RBFOX1: variants seen among roughly 807,000 people sequenced by gnomAD.
RBFOX1 encodes RNA binding protein fox-1 homolog 1.
RBFOX1 carries 8 observed loss-of-function variants against 57.7 expected under a neutral mutation model. The ratio of observed to expected loss-of-function variants is 0.14; its 90% confidence interval spans 0.08 to 0.25. RBFOX1 has a LOEUF of 0.25. RBFOX1 is among the 10% of genes least tolerant of loss of function. The probability of loss-of-function intolerance (pLI) is 1.00; values close to 1 mark genes in which losing one functional copy is unlikely to be tolerated. For synonymous variants in RBFOX1, 326 were observed against 222.4 expected (o/e 1.47, Z -4.15); for missense variants, 611 against 548.5 (o/e 1.11, Z -1.14).
chr16:7,702,386 CA>C lies in RBFOX1; in HGVS notation c.996-6669del, dbSNP rs1197120212. ...CCAAGAAGCTGAGGGGACCTCTCTG[CA>C]GTTGCAGAATTGCCAAGAGATTTGT... On this transcript the variant is annotated intron_variant, in intron 14 of 15. Transcript: ENST00000550418. Among the ~76,000 whole-genome samples the C allele has an allele frequency of 2.6e-5, 4 of 151,930 alleles. No homozygotes were observed. In the South Asian group the frequency reaches 8.3e-4, roughly 31 times the overall value.
At chr16:7,613,647 G>T (rs183374828) in intron 10 of RBFOX1, among the ~76,000 whole-genome samples, 1 of 152,202 alleles carries the variant, frequency 6.6e-6, no homozygotes, top group Non-Finnish European at 1.5e-5. Context: ...TTGGTTTTCT[G>T]TGGGCTAGAG....
At chr16:5,785,894 T>A (rs1305636007) in intron 3 of RBFOX1, among the ~76,000 whole-genome samples, 2 of 152,108 alleles carry the variant, frequency 1.3e-5, no homozygotes, top group Non-Finnish European at 2.9e-5. Flanking sequence ...TTAGACCACA[T>A]CACCTCAGCT....
intron 4 of RBFOX1, among the ~76,000 whole-genome samples, chr16:7,291,310 C>G (rs139779632): frequency 6.6e-6 from 1 of 152,094 alleles, no homozygotes; most frequent in African/African-American, 2.4e-5. Flanking sequence ...CTCTGTGGCA[C>G]CAATGTGAGG....
intron 4 of RBFOX1, among the ~76,000 whole-genome samples, chr16:7,477,500 C>A (rs1228245147): frequency 1.3e-5 from 2 of 152,152 alleles, no homozygotes; most frequent in East Asian, 3.9e-4. Flanking sequence ...CCTCTCCCTT[C>A]TGCCCCCTGA....
chr16:6,730,923 T>G (rs1018434084), intron 3 of RBFOX1, among the ~76,000 whole-genome samples: 5 of 152,162 alleles, frequency 3.3e-5, no homozygotes, highest in Non-Finnish European at 7.3e-5. Context: ...TTTCTATCTT[T>G]GACAGGTTCC....
intron 1 of RBFOX1, among the ~76,000 whole-genome samples, chr16:5,454,582 G>T (rs1270869014): frequency 3.3e-5 from 5 of 152,174 alleles, no homozygotes; most frequent in Non-Finnish European, 5.9e-5. Context: ...GACCTCCTTT[G>T]AGCAAGAGGG....
chr16:5,793,626 G>A (rs567556665), intron 3 of RBFOX1, among the ~76,000 whole-genome samples: 139 of 152,282 alleles, frequency 9.1e-4, no homozygotes, highest in African/African-American at 3.2e-3. Context: ...CAAGAGCAGT[G>A]CTCACAAAGC....
At chr16:7,319,734 AGCAG>A (rs1220125187) in intron 4 of RBFOX1, among the ~76,000 whole-genome samples, 1 of 152,146 alleles carries the variant, frequency 6.6e-6, no homozygotes, top group Non-Finnish European at 1.5e-5. Context: ...GGTCATGTGA[AGCAG>A]GCAGAGGAAA....
chr16:6,276,225 G>A (rs972060959), intron 1 of RBFOX1, among the ~76,000 whole-genome samples: 1 of 152,198 alleles, frequency 6.6e-6, no homozygotes, highest in African/African-American at 2.4e-5. Context: ...TCAGAACTGT[G>A]GCCAGAATCA....
At chr16:7,255,262 C>A (rs2094631557) in intron 4 of RBFOX1, among the ~76,000 whole-genome samples, 1 of 152,168 alleles carries the variant, frequency 6.6e-6, no homozygotes, top group South Asian at 2.1e-4. Flanking sequence ...CAAAAATTGC[C>A]TGACCTTAAA....
At chr16:6,969,105 TG>T (rs1236218177) in intron 3 of RBFOX1, among the ~76,000 whole-genome samples, 3 of 152,074 alleles carry the variant, frequency 2.0e-5, no homozygotes, top group African/African-American at 7.2e-5. Flanking sequence ...CCTAATGCAT[TG>T]GTTAAGAGTA....
At chr16:6,020,703 G>A (rs1002846136) in intron 1 of RBFOX1, among the ~76,000 whole-genome samples, 1 of 152,126 alleles carries the variant, frequency 6.6e-6, no homozygotes, top group African/African-American at 2.4e-5. Context: ...CAGGCCAGGG[G>A]GGGGCTTGTC....
At chr16:7,497,765 G>A (rs2069171359) in intron 4 of RBFOX1, among the ~76,000 whole-genome samples, 2 of 152,170 alleles carry the variant, frequency 1.3e-5, no homozygotes, top group East Asian at 3.9e-4. Flanking sequence ...AAATTCAATG[G>A]ATAACCTTGC....
At chr16:5,653,403 CCGTGTGCTGGGT>C (rs1334827594) in intron 3 of RBFOX1, among the ~76,000 whole-genome samples, 1 of 149,654 alleles carries the variant, frequency 6.7e-6, no homozygotes. Flanking sequence ...GGGTGCTGAG[CCGTGTGCTGGGT>C]TTCTTTGAGG....
chr16:5,466,104 C>T (rs555910620), intron 1 of RBFOX1, among the ~76,000 whole-genome samples: 1 of 152,328 alleles, frequency 6.6e-6, no homozygotes, highest in South Asian at 2.1e-4. Context: ...TATCTTCTCC[C>T]ACTTTAGGTG....
At chr16:7,698,507 ATTTTTCT>A (rs1405935146) in intron 14 of RBFOX1, among the ~76,000 whole-genome samples, 1 of 151,902 alleles carries the variant, frequency 6.6e-6, no homozygotes, top group Non-Finnish European at 1.5e-5. Context: ...AGCGCCTTTC[ATTTTTCT>A]ATCCCCACTT....
chr16:6,879,841 G>T (rs890811063), intron 3 of RBFOX1, among the ~76,000 whole-genome samples: 1 of 152,154 alleles, frequency 6.6e-6, no homozygotes, highest in South Asian at 2.1e-4. Context: ...TTACAAAGAG[G>T]TTTGAGACAT....
intron 4 of RBFOX1, among the ~76,000 whole-genome samples, chr16:7,429,339 C>T (rs1236820834): frequency 2.0e-5 from 3 of 152,180 alleles, no homozygotes; most frequent in Non-Finnish European, 2.9e-5. Flanking sequence ...CCTCTCCTTC[C>T]CTCACCCCCT....
chr16:7,033,716 G>T (rs755826468), intron 3 of RBFOX1, among the ~76,000 whole-genome samples: 3 of 152,182 alleles, frequency 2.0e-5, no homozygotes, highest in South Asian at 4.2e-4. Context: ...CATTTTGTCC[G>T]GGCGTGGCGA....
Sources: gnomAD v4.1 joint callset for allele counts (sites outside exome capture counted in the v4.1 genomes callset) on GRCh38, gnomAD v4.1.1 for gene constraint, MANE v1.5 for transcripts, NCBI Gene and HGNC (gene_info 2026-07-23, HGNC 2026-07-21) for gene names.